Variants in ANKS1B observed in about 807,000 individuals in gnomAD.
The protein encoded by ANKS1B is ankyrin repeat and sterile alpha motif domain containing 1B, also known as ankyrin repeat and sterile alpha motif domain-containing protein 1B.
ANKS1B carries 36 observed loss-of-function variants against 148.3 expected under a neutral mutation model. The ratio of observed to expected loss-of-function variants is 0.24; its 90% CI spans 0.19 to 0.32. ANKS1B has a LOEUF of 0.32. Among genes scored for constraint, ANKS1B ranks in the 10% least tolerant of loss-of-function variants. The probability of loss-of-function intolerance (pLI) is 1.00; values close to 1 mark genes in which losing one functional copy is unlikely to be tolerated. For synonymous variants in ANKS1B, 542 were observed against 560.8 expected (o/e 0.97, Z 0.47); for missense variants, 1,157 against 1,542.6 (o/e 0.75, Z 4.19).
At chr12:99,563,430 T>C (rs1396357449) in intron 9 of ANKS1B, among the ~76,000 whole-genome samples, 2 of 152,128 alleles carry the variant, frequency 1.3e-5, no homozygotes, top group Non-Finnish European at 2.9e-5. Context: ...ATTTCTATAT[T>C]GTTGTGTCTC....
intron 11 of ANKS1B, among the ~76,000 whole-genome samples, chr12:99,426,386 A>G (rs769575447): frequency 6.6e-6 from 1 of 152,146 alleles, no homozygotes; most frequent in Non-Finnish European, 1.5e-5. Flanking sequence ...TGATATTCAA[A>G]AAATATTTTT....
intron 12 of ANKS1B, among the ~76,000 whole-genome samples, chr12:99,387,547 C>T (rs74538248): frequency 0.044 from 6,692 of 151,866 alleles, 419 homozygotes; most frequent in African/African-American, 0.13. Context: ...ACCCCGGAGG[C>T]GGAGATTGCG....
intron 11 of ANKS1B, among the ~76,000 whole-genome samples, chr12:99,417,602 T>C (rs932875662): frequency 6.6e-6 from 1 of 152,136 alleles, no homozygotes; most frequent in Non-Finnish European, 1.5e-5. Context: ...GTGACTTTGA[T>C]AGGAATTATG....
intron 14 of ANKS1B, among the ~76,000 whole-genome samples, chr12:99,219,858 C>T (rs116867310): frequency 2.8e-4 from 42 of 152,294 alleles, no homozygotes; most frequent in Non-Finnish European, 5.3e-4. Flanking sequence ...CATTCTCATG[C>T]CCTCTAGGGA....
intron 12 of ANKS1B, among the ~76,000 whole-genome samples, chr12:99,258,809 T>TA (rs550342634): frequency 1.3e-5 from 2 of 152,050 alleles, no homozygotes; most frequent in South Asian, 2.1e-4. Flanking sequence ...TTCCCCAATG[T>TA]AAAAAAATCA....
intron 8 of ANKS1B, among the ~76,000 whole-genome samples, chr12:99,681,575 C>T (rs952170699): frequency 6.6e-6 from 1 of 152,078 alleles, no homozygotes; most frequent in African/African-American, 2.4e-5. Flanking sequence ...GTGGCTAGAC[C>T]CAGAAGAGAA....
At chr12:99,100,714 A>T (rs749435699) in intron 15 of ANKS1B, among the ~76,000 whole-genome samples, 7 of 152,074 alleles carry the variant, frequency 4.6e-5, no homozygotes, top group Non-Finnish European at 1.0e-4. Context: ...ATTTTTAGTA[A>T]AGATTGGGTT....
rs982744544 is a variant in ANKS1B, at chr12:99,355,949, T to G, written c.1756+43682A>C. Among the ~76,000 whole-genome samples, 9 of 152,190 alleles carry G rather than the reference T, an allele frequency of 5.9e-5. No individual in the cohort carries two copies. In the East Asian group the frequency reaches 1.2e-3, roughly 20 times the overall value. The stretch of plus-strand genomic sequence containing the variant: ...GAAAAGGATGGAAATTATAATAAAA[T>G]TATTAAAATTTATAAAATCCAGGGT... On this transcript the variant is annotated intron_variant, in intron 12 of 26. Coordinates refer to ENST00000683438, the MANE Select transcript of ANKS1B (RefSeq NM_001352186.2).
intron 12 of ANKS1B, among the ~76,000 whole-genome samples, chr12:99,310,425 C>T (rs1232083247): frequency 6.6e-6 from 1 of 152,128 alleles, no homozygotes; most frequent in Non-Finnish European, 1.5e-5. Flanking sequence ...GCAGCCTGTC[C>T]TCCCTAATGT....
chr12:99,353,890 T>G (rs2091711886), intron 12 of ANKS1B, among the ~76,000 whole-genome samples: 1 of 152,064 alleles, frequency 6.6e-6, no homozygotes, highest in Non-Finnish European at 1.5e-5. Context: ...GAGCATTTAT[T>G]TTACACTGTT....
intron 14 of ANKS1B, among the ~76,000 whole-genome samples, chr12:99,217,243 C>T (rs1018032834): frequency 1.3e-5 from 2 of 152,050 alleles, no homozygotes; most frequent in African/African-American, 2.4e-5. Context: ...ACTCCTCCCC[C>T]TGAACAACAC....
intron 15 of ANKS1B, among the ~76,000 whole-genome samples, chr12:99,128,597 G>A (rs188224698): frequency 6.6e-6 from 1 of 152,124 alleles, no homozygotes; most frequent in Non-Finnish European, 1.5e-5. Flanking sequence ...ACAGAAACTT[G>A]TCTGTTCATC....
intron 17 of ANKS1B, among the ~76,000 whole-genome samples, chr12:98,913,176 T>C (rs2099789036): frequency 6.6e-6 from 1 of 152,208 alleles, no homozygotes; most frequent in Non-Finnish European, 1.5e-5. Context: ...ACTTAGGGTC[T>C]CCAATTTTCT....
chr12:98,756,412 CT>C (rs566463674), intron 25 of ANKS1B, among the ~76,000 whole-genome samples: 7 of 152,166 alleles, frequency 4.6e-5, no homozygotes, highest in Admixed American at 3.9e-4. Context: ...AACCTCTTTC[CT>C]TTATAAATTA....
intron 8 of ANKS1B, among the ~76,000 whole-genome samples, chr12:99,752,842 G>C (rs865861895): frequency 1.3e-5 from 2 of 151,900 alleles, no homozygotes; most frequent in African/African-American, 2.4e-5. Context: ...GACACTATGT[G>C]AATTGCTTAG....
intron 9 of ANKS1B, among the ~76,000 whole-genome samples, chr12:99,644,296 CAT>C (rs947719275): frequency 2.0e-5 from 3 of 152,182 alleles, no homozygotes; most frequent in African/African-American, 4.8e-5. Flanking sequence ...CTTTAACATT[CAT>C]ATGTTTATTA....
At chr12:99,908,500 A>G (rs1255632794) in intron 1 of ANKS1B, among the ~76,000 whole-genome samples, 4 of 152,142 alleles carry the variant, frequency 2.6e-5, no homozygotes, top group Admixed American at 6.5e-5. Flanking sequence ...GAATCACCCA[A>G]GCCCGGGGAA....
At chr12:99,218,295 T>C (rs1181750929) in intron 14 of ANKS1B, among the ~76,000 whole-genome samples, 1 of 152,224 alleles carries the variant, frequency 6.6e-6, no homozygotes, top group East Asian at 1.9e-4. Context: ...ATTATGGAAT[T>C]AAATGGCTTA....
At position 99,836,704 on chromosome 12, in the gene ANKS1B, C is replaced by A. The variant is rs372134737; in HGVS notation, c.135-11315G>T. Among the ~76,000 whole-genome samples the A allele has an allele frequency of 4.6e-5, 7 of 152,134 alleles. 1 individual carries two copies. In the South Asian group the frequency reaches 1.5e-3, roughly 32 times the overall value. The stretch of plus-strand genomic sequence containing the variant: ...GGAAAACTAGAGCATCTATTTTAAC[C>A]TAGTTTTAACTTCATCACTTGTTCT... On this transcript the variant is annotated intron_variant, in intron 1 of 26. Transcript: ENST00000683438.
Sources: allele counts gnomAD v4.1 joint callset (sites outside exome capture counted in the v4.1 genomes callset), GRCh38; gene constraint gnomAD v4.1.1; transcripts MANE v1.5; gene names NCBI Gene and HGNC (gene_info 2026-07-23, HGNC 2026-07-21).